The following LEF1 variants were observed in gnomAD, a reference collection of about 807,000 sequenced individuals.
LEF1 encodes lymphoid enhancer binding factor 1.
A neutral mutation model predicts 51.2 loss-of-function variants in LEF1; 14 were observed. The observed-to-expected ratio is 0.27, with a 90% CI of 0.18 to 0.43. The LOEUF is 0.43. LEF1 is among the 20% of genes least tolerant of loss of function. LEF1 has a pLI of 1.00. For missense variants in LEF1, 386 were observed against 512.0 expected (o/e 0.75, Z 2.37); for synonymous variants, 185 against 183.2 (o/e 1.01, Z -0.08).
At chr4:108,131,502 A>G (rs1476347346) in intron 3 of LEF1, among the ~76,000 whole-genome samples, 10 of 152,196 alleles carry the variant, frequency 6.6e-5, no homozygotes. Context: ...ATCACTGGAC[A>G]TAATTTTGGC....
chr4:108,099,588 A>G (rs1313752217), intron 3 of LEF1, among the ~76,000 whole-genome samples: 5,689 of 60,336 alleles, frequency 0.094, 641 homozygotes, highest in African/African-American at 0.15. Flanking sequence ...ATATATATAT[A>G]TATATATATA....
At chr4:108,081,531 C>T in intron 6 of LEF1, 55 bp downstream of exon 6, 1 of 1,418,270 alleles carries the variant, frequency 7.1e-7, no homozygotes, top group Non-Finnish European at 1.0e-6. Context: ...GCACAGGATG[C>T]AAGCACGAGA....
chr4:108,097,039 T>C (rs1230045859), intron 3 of LEF1, among the ~76,000 whole-genome samples: 1 of 152,164 alleles, frequency 6.6e-6, no homozygotes, highest in African/African-American at 2.4e-5. Context: ...TGGAGTTGCC[T>C]CAAAATCTAA....
At chr4:108,142,951 T>C (rs906916526) in intron 3 of LEF1, among the ~76,000 whole-genome samples, 3 of 152,224 alleles carry the variant, frequency 2.0e-5, no homozygotes, top group African/African-American at 4.8e-5. Context: ...CAATGAACCA[T>C]CAGTCTTTAA....
At chr4:108,057,453 T>C (rs887298272) in intron 11 of LEF1, among the ~76,000 whole-genome samples, 78 of 152,232 alleles carry the variant, frequency 5.1e-4, no homozygotes, top group Non-Finnish European at 7.4e-4. Flanking sequence ...TCAAAAATCA[T>C]AGGAAATAAA....
intron 3 of LEF1, among the ~76,000 whole-genome samples, chr4:108,131,116 A>G (rs1206531232): frequency 6.6e-6 from 1 of 152,056 alleles, no homozygotes; most frequent in East Asian, 2.0e-4. Flanking sequence ...CTGGGACTAC[A>G]GGTGGCGCCA....
chr4:108,076,480 T>C (rs1738868342), intron 8 of LEF1, among the ~76,000 whole-genome samples: 1 of 152,112 alleles, frequency 6.6e-6, no homozygotes, highest in African/African-American at 2.4e-5. Context: ...GTGATTCTCC[T>C]GCCTCCTGCC....
At chr4:108,052,635 G>A (rs182132419) in intron 11 of LEF1, among the ~76,000 whole-genome samples, 11 of 152,302 alleles carry the variant, frequency 7.2e-5, no homozygotes, top group Non-Finnish European at 1.5e-4. Flanking sequence ...GGAAGCAAGC[G>A]TGACAGAGCT....
intron 3 of LEF1, among the ~76,000 whole-genome samples, chr4:108,158,106 T>A (rs751569876): frequency 6.6e-6 from 1 of 152,132 alleles, no homozygotes; most frequent in Non-Finnish European, 1.5e-5. Flanking sequence ...TTTCATCTTC[T>A]CTATCTGAGA....
chr4:108,145,501 T>G (rs1743944183), intron 3 of LEF1, among the ~76,000 whole-genome samples: 1 of 152,226 alleles, frequency 6.6e-6, no homozygotes, highest in Non-Finnish European at 1.5e-5. Context: ...GGGCTTGCAG[T>G]AAAATAAATC....
intron 3 of LEF1, among the ~76,000 whole-genome samples, chr4:108,104,895 G>C (rs1473767941): frequency 3.9e-5 from 6 of 152,104 alleles, no homozygotes; most frequent in Non-Finnish European, 7.4e-5. Flanking sequence ...AACTGCCAGA[G>C]GACAATTAGG....
chr4:108,124,997 T>G (rs1742432336), intron 3 of LEF1, among the ~76,000 whole-genome samples: 1 of 152,184 alleles, frequency 6.6e-6, no homozygotes, highest in African/African-American at 2.4e-5. Context: ...AGGCTAATCA[T>G]ATAGAGTTTA....
Position 108,157,175 on chromosome 4 carries a change from T to TACACACACACAC in LEF1, c.414+6392_414+6393insGTGTGTGTGTGT, listed in dbSNP as rs1425931310. Among the ~76,000 whole-genome samples, 423 of 57,456 alleles carry TACACACACACAC rather than the reference T, an allele frequency of 7.4e-3. 2 individuals carry two copies. The highest frequency in any genetic ancestry group is 0.023 in the Middle Eastern group (2 of 86). The allele number at this position is 57,456 out of a possible 152,430, so 37.7% of individuals were successfully genotyped here. A position where few individuals can be genotyped will look rare whatever the true frequency, so the allele number is the denominator to read the frequency against. ...CTCTCTCTCTCTCTCTCTCTATATA[T>TACACACACACAC]ATATACACACACACACACACACACA... On this transcript the variant is annotated intron_variant, in intron 3 of 11. Coordinates refer to ENST00000265165, the MANE Select transcript of LEF1 (RefSeq NM_016269.5).
chr4:108,163,273 A>G (rs1414632346), intron 3 of LEF1, among the ~76,000 whole-genome samples: 6 of 152,224 alleles, frequency 3.9e-5, no homozygotes, highest in Admixed American at 3.9e-4. Flanking sequence ...TCAGCATAGA[A>G]TGCACAATAC....
At chr4:108,159,871 C>G (rs968816006) in intron 3 of LEF1, among the ~76,000 whole-genome samples, 5 of 152,140 alleles carry the variant, frequency 3.3e-5, no homozygotes, top group African/African-American at 1.2e-4. Context: ...TAAAAGATAG[C>G]TGAAATGAGA....
chr4:108,061,544 G>A (rs1456246677), intron 11 of LEF1, among the ~76,000 whole-genome samples: 2 of 152,120 alleles, frequency 1.3e-5, no homozygotes, highest in Non-Finnish European at 2.9e-5. Context: ...GCCAGCCCTT[G>A]GCACACTGCC....
chr4:108,077,685 G>C (rs1473488588), intron 8 of LEF1, among the ~76,000 whole-genome samples: 1 of 148,620 alleles, frequency 6.7e-6, no homozygotes, highest in Non-Finnish European at 1.5e-5. Flanking sequence ...CTTCTGCGCA[G>C]CTGCCGCCCC....
rs574556021 is a variant in LEF1, at chr4:108,140,845, A to C, written c.414+22723T>G. Among the ~76,000 whole-genome samples, 5 of 152,346 alleles carry C rather than the reference A, an allele frequency of 3.3e-5. No homozygotes were observed. In the South Asian group the frequency reaches 8.3e-4, roughly 25 times the overall value. ...CTTGCTTTTCTTCTCAGTGAAAGGA[A>C]ACTTCAACACATTTGAGAAAGTTGC... On this transcript the variant is annotated intron_variant, in intron 3 of 11. Coordinates refer to ENST00000265165, the MANE Select transcript of LEF1 (RefSeq NM_016269.5).
intron 3 of LEF1, among the ~76,000 whole-genome samples, chr4:108,139,866 T>C (rs1743533577): frequency 6.6e-6 from 1 of 152,106 alleles, no homozygotes; most frequent in Non-Finnish European, 1.5e-5. Flanking sequence ...CCATCTAAAA[T>C]GGTTCAGATA....
Sources: gnomAD v4.1 joint callset for allele counts (sites outside exome capture counted in the v4.1 genomes callset) on GRCh38, gnomAD v4.1.1 for gene constraint, MANE v1.5 for transcripts, NCBI Gene and HGNC (gene_info 2026-07-23, HGNC 2026-07-21) for gene names.